Variants in YAP1 observed in about 807,000 individuals in gnomAD.
YAP1 encodes Yes1 associated transcriptional regulator, also known as transcriptional coactivator YAP1.
In YAP1, 5 loss-of-function variants were observed where a neutral mutation model predicts 56.9. That is an observed-to-expected ratio of 0.09 (90% CI 0.05 to 0.18). The LOEUF (loss-of-function observed/expected upper bound fraction) is 0.18. Ranked by LOEUF, YAP1 falls within the 10% of genes least tolerant of loss-of-function variation. The probability of loss-of-function intolerance (pLI) is 1.00; values close to 1 mark genes in which losing one functional copy is unlikely to be tolerated. For synonymous variants in YAP1, 265 were observed against 248.1 expected, an observed-to-expected ratio of 1.07 and a Z score of -0.64; for missense variants, 539 against 651.8, an observed-to-expected ratio of 0.83 and a Z score of 1.88.
chr11:102,164,194 C>A (rs2135409206), intron 3 of YAP1, among the ~76,000 whole-genome samples: 1 of 152,204 alleles, frequency 6.6e-6, no homozygotes, highest in African/African-American at 2.4e-5. Context: ...GCCTCCACAC[C>A]CAGCTAATTT....
chr11:102,199,348 T>C (rs934636205), intron 4 of YAP1, among the ~76,000 whole-genome samples: 1 of 152,248 alleles, frequency 6.6e-6, no homozygotes, highest in Non-Finnish European at 1.5e-5. Flanking sequence ...CTATGTTTGT[T>C]GGTAACAGAT....
chr11:102,222,048 G>A (rs1949961187), intron 6 of YAP1, among the ~76,000 whole-genome samples: 1 of 152,058 alleles, frequency 6.6e-6, no homozygotes, highest in South Asian at 2.1e-4. Flanking sequence ...ATATCCAGAA[G>A]GCATAAACCT....
intron 2 of YAP1, among the ~76,000 whole-genome samples, chr11:102,146,693 C>T (rs1945339336): frequency 6.6e-6 from 1 of 152,110 alleles, no homozygotes; most frequent in Admixed American, 6.6e-5. Context: ...ACATTTTAAC[C>T]TCTGAAATTA....
rs1432183636 is a variant in YAP1 at position 102,121,803 on chromosome 11, T to A, written c.572+7409T>A. Among the ~76,000 whole-genome samples, 3 of 149,954 alleles carry A rather than the reference T, an allele frequency of 2.0e-5. No individual in the cohort carries two copies. In the East Asian group the frequency reaches 5.8e-4, roughly 29 times the overall value. ...AAGGTATATTATTTTTTTGTATTTG[T>A]TTGGTTTATTTTGAGACAGTCTTAA... On this transcript the variant is annotated intron_variant, in intron 2 of 8. Transcript: ENST00000282441.
In YAP1 at chr11:102,162,471, A is replaced by G. The variant is rs1946348319; in HGVS notation, c.588A>G (p.Thr196=). 8 of 1,614,038 alleles carry G rather than the reference A, an allele frequency of 5.0e-6. No individual in the cohort carries two copies. The highest frequency in any genetic ancestry group is 1.3e-5 in the African/African-American group (1 of 74,916). ...QRYFLNHIDQ[T]TTWQDPRKAM... ...TTTGTCTTAGTCACATCGATCAGAC[A>G]ACAACATGGCAGGACCCCAGGAAGG... Residue 196 remains threonine, a synonymous_variant, in exon 3 of 9, where the codon ACA becomes ACG. Coordinates refer to ENST00000282441, the MANE Select transcript of YAP1 (RefSeq NM_001130145.3).
At chr11:102,167,740 A>C (rs1395245069) in intron 3 of YAP1, among the ~76,000 whole-genome samples, 1 of 152,126 alleles carries the variant, frequency 6.6e-6, no homozygotes, top group African/African-American at 2.4e-5. Context: ...CTCAAAAAAA[A>C]AGTCATAATT....
intron 3 of YAP1, among the ~76,000 whole-genome samples, chr11:102,171,177 C>T (rs1271924788): frequency 6.6e-6 from 1 of 152,080 alleles, no homozygotes; most frequent in Admixed American, 6.5e-5. Flanking sequence ...ATTTAAGAAC[C>T]AGCTCAAATG....
Position 102,137,743 on chromosome 11 carries a change from A to G in YAP1, c.572+23349A>G, listed in dbSNP as rs548361134. 2.5e-4 allele frequency among the ~76,000 whole-genome samples: 33 copies of G among 130,556 alleles called. 1 individual carries two copies. The highest frequency in any genetic ancestry group is 8.6e-4 in the African/African-American group (32 of 37,374). The allele number at this position is 130,556 out of a possible 152,430, so 85.6% of individuals were successfully genotyped here. On this transcript the variant is annotated intron_variant, in intron 2 of 8. Transcript: ENST00000282441. ...CTAAATATTTCACGTTATTAGAGTC[A>G]TTGACTTTTTTTTTTTTTTTTTAAA...
intron 3 of YAP1, among the ~76,000 whole-genome samples, chr11:102,184,058 C>G (rs1169425589): frequency 2.4e-5 from 3 of 127,522 alleles, no homozygotes; most frequent in Admixed American, 9.6e-5. Context: ...GCCTGGGCGA[C>G]AGAGCGAGAC....
chr11:102,184,469 C>T (rs144297631), intron 3 of YAP1, among the ~76,000 whole-genome samples: 47 of 152,310 alleles, frequency 3.1e-4, no homozygotes, highest in African/African-American at 1.0e-3. Flanking sequence ...GTAGTGTGTA[C>T]TACACATCCA....
At chr11:102,200,469 A>G (rs1591397988) in intron 4 of YAP1, among the ~76,000 whole-genome samples, 1 of 147,524 alleles carries the variant, frequency 6.8e-6, no homozygotes, top group Admixed American at 6.7e-5. Flanking sequence ...TTTAGACAAG[A>G]GTCTTGCACT....
chr11:102,189,565 T>C (rs928577554), intron 4 of YAP1, among the ~76,000 whole-genome samples: 19 of 152,174 alleles, frequency 1.2e-4, no homozygotes, highest in African/African-American at 4.6e-4. Context: ...AAGCAAGTAA[T>C]GAACAGTCCA....
intron 4 of YAP1, among the ~76,000 whole-genome samples, chr11:102,204,551 TATAG>T (rs1949027845): frequency 6.6e-6 from 1 of 152,140 alleles, no homozygotes; most frequent in Admixed American, 6.5e-5. Flanking sequence ...ATTCTTAATG[TATAG>T]GATGGGCCCA....
intron 2 of YAP1, among the ~76,000 whole-genome samples, chr11:102,135,734 T>TA (rs1157462569): frequency 6.6e-6 from 1 of 152,276 alleles, no homozygotes; most frequent in Middle Eastern, 3.4e-3. Flanking sequence ...GGAGGAATAG[T>TA]AAAAAAATTG....
At position 102,133,485 on chromosome 11, in the gene YAP1, T is replaced by C. The variant is rs553099840; in HGVS notation, c.572+19091T>C. 1.6e-4 allele frequency among the ~76,000 whole-genome samples: 25 copies of C among 152,164 alleles called. No homozygotes were observed. In the South Asian group the frequency reaches 2.5e-3, roughly 15 times the overall value. The stretch of plus-strand genomic sequence containing the variant: ...CTAATTTTTGTATTTTTTGTAGAGA[T>C]GGGGTTTCAACATGTTGCCAAGGCT... On this transcript the variant is annotated intron_variant, in intron 2 of 8. Coordinates refer to ENST00000282441, the MANE Select transcript of YAP1 (RefSeq NM_001130145.3).
intron 3 of YAP1, among the ~76,000 whole-genome samples, chr11:102,181,748 T>C (rs975558586): frequency 1.3e-5 from 2 of 152,258 alleles, no homozygotes; most frequent in Admixed American, 1.3e-4. Context: ...TAGATGTGGT[T>C]GTGTATAACT....
intron 4 of YAP1, among the ~76,000 whole-genome samples, chr11:102,199,782 A>G (rs1352924143): frequency 6.6e-6 from 1 of 152,192 alleles, no homozygotes; most frequent in Non-Finnish European, 1.5e-5. Flanking sequence ...AACTGTTAAT[A>G]AAAGTATTAA....
intron 4 of YAP1, among the ~76,000 whole-genome samples, chr11:102,191,442 C>G (rs543721766): frequency 2.0e-5 from 3 of 151,826 alleles, no homozygotes; most frequent in Admixed American, 6.6e-5. Flanking sequence ...AAATTATACC[C>G]AAGGTTATAT....
chr11:102,194,998 T>A (rs1198037663), intron 4 of YAP1, among the ~76,000 whole-genome samples: 1 of 152,144 alleles, frequency 6.6e-6, no homozygotes, highest in Non-Finnish European at 1.5e-5. Flanking sequence ...CCTGAAGCAG[T>A]CCTCCTGCCT....
Sources: allele counts gnomAD v4.1 joint callset (sites outside exome capture counted in the v4.1 genomes callset), GRCh38; gene constraint gnomAD v4.1.1; transcripts MANE v1.5; gene names NCBI Gene and HGNC (gene_info 2026-07-23, HGNC 2026-07-21).